Variants in CCBE1 observed in about 807,000 individuals in gnomAD.
CCBE1 encodes the protein collagen and calcium binding EGF domains 1, also known as collagen and calcium-binding EGF domain-containing protein 1.
A neutral mutation model predicts 50.0 loss-of-function variants in CCBE1; 37 were observed. The ratio of observed to expected loss-of-function variants is 0.74; its 90% confidence interval spans 0.57 to 0.97. CCBE1 has a LOEUF of 0.97. Ranked by LOEUF, CCBE1 falls within the 50% of genes least tolerant of loss-of-function variation. CCBE1 has a pLI of 0.00. For synonymous variants in CCBE1, 234 were observed against 203.7 expected (o/e 1.15, Z -1.27); for missense variants, 538 against 523.8 (o/e 1.03, Z -0.26).
intron 2 of CCBE1, among the ~76,000 whole-genome samples, chr18:59,557,970 C>T (rs1293045122): frequency 2.0e-5 from 3 of 152,160 alleles, no homozygotes; most frequent in Admixed American, 6.5e-5. Context: ...ATCATAACCA[C>T]TCCTGCATTT....
Position 59,531,416 on chromosome 18 carries a change from CAG to C in CCBE1, c.213-51180_213-51179del. On this transcript the variant is annotated intron_variant, in intron 2 of 10. Coordinates refer to ENST00000439986, the MANE Select transcript of CCBE1 (RefSeq NM_133459.4). ...GCAAGTCTCTTATTAGAAAGAATAACAGAAACAAATGTGAGAGAGGAGCCAAA... is the reference window on the plus strand; with the variant it reads ...GCAAGTCTCTTATTAGAAAGAATAACAAACAAATGTGAGAGAGGAGCCAAA... Among the ~76,000 whole-genome samples, 4 of 152,042 alleles carry C rather than the reference CAG, an allele frequency of 2.6e-5. No homozygotes were observed. The South Asian group carries it at 8.3e-4, about 32-fold the overall frequency.
intron 2 of CCBE1, among the ~76,000 whole-genome samples, chr18:59,491,297 T>G (rs1357099511): frequency 1.3e-5 from 2 of 152,202 alleles, no homozygotes; most frequent in Non-Finnish European, 2.9e-5. Context: ...AAATTTTCTC[T>G]GCAAGTCTGC....
chr18:59,547,607 G>A lies in CCBE1; in HGVS notation c.213-67369C>T, dbSNP rs192942592. Reference sequence around the variant, plus strand: ...AGCTCATTAAAAGCACTCCTGGGACGTGGATCACACACCTGATAAAGATTT... The same window carrying A: ...AGCTCATTAAAAGCACTCCTGGGACATGGATCACACACCTGATAAAGATTT... On this transcript the variant is annotated intron_variant, in intron 2 of 10. Coordinates refer to ENST00000439986, the MANE Select transcript of CCBE1 (RefSeq NM_133459.4). Among the ~76,000 whole-genome samples, 620 of 152,286 alleles carry A rather than the reference G, an allele frequency of 4.1e-3. 14 individuals are homozygous for A. The highest frequency in any genetic ancestry group is 0.036 in the Admixed American group (554 of 15,288).
intron 2 of CCBE1, among the ~76,000 whole-genome samples, chr18:59,486,540 A>G (rs1004143418): frequency 6.6e-6 from 1 of 152,240 alleles, no homozygotes; most frequent in African/African-American, 2.4e-5. Flanking sequence ...AGGCTTCTCT[A>G]ACCCTGAAAC....
intron 2 of CCBE1, among the ~76,000 whole-genome samples, chr18:59,580,047 A>G (rs2053059210): frequency 1.3e-5 from 2 of 152,178 alleles, no homozygotes; most frequent in Admixed American, 1.3e-4. Flanking sequence ...CAGAGAGGGA[A>G]AAGTTTGGGT....
In CCBE1 at chr18:59,479,081, T is replaced by C. The variant is rs78584026; in HGVS notation, c.265+1105A>G. On this transcript the variant is annotated intron_variant, in intron 3 of 10. Transcript: ENST00000439986. ...TGATCAAAAATGGTGCTCTATGAGA[T>C]AATGCAACAGAATTAGCTTGGCTGG... 1.5e-4 allele frequency among the ~76,000 whole-genome samples: 23 copies of C among 152,358 alleles called. No homozygotes were observed. The East Asian group carries it at 4.4e-3, about 29-fold the overall frequency.
chr18:59,526,223 T>G (rs1280922992), intron 2 of CCBE1, among the ~76,000 whole-genome samples: 2 of 152,190 alleles, frequency 1.3e-5, no homozygotes, highest in African/African-American at 4.8e-5. Context: ...TGATCTTGTT[T>G]ATTTTTTGTC....
At chr18:59,537,917 C>T (rs930187964) in intron 2 of CCBE1, among the ~76,000 whole-genome samples, 1 of 152,280 alleles carries the variant, frequency 6.6e-6, no homozygotes, top group African/African-American at 2.4e-5. Context: ...AATAACAGTG[C>T]TTATTTTCCA....
intron 2 of CCBE1, among the ~76,000 whole-genome samples, chr18:59,661,761 A>C (rs1178598800): frequency 6.6e-6 from 1 of 152,168 alleles, no homozygotes; most frequent in African/African-American, 2.4e-5. Context: ...TGAGGCCAGG[A>C]GTTCAAGACC....
intron 9 of CCBE1, among the ~76,000 whole-genome samples, chr18:59,439,051 C>T (rs1910290013): frequency 6.6e-6 from 1 of 152,110 alleles, no homozygotes; most frequent in Non-Finnish European, 1.5e-5. Context: ...CTTGGGGAGG[C>T]CGAGGTGGGC....
chr18:59,670,713 C>T (rs1459795274), intron 2 of CCBE1, among the ~76,000 whole-genome samples: 4 of 151,802 alleles, frequency 2.6e-5, no homozygotes, highest in East Asian at 1.9e-4. Context: ...TTTGGGAGGC[C>T]GAGGCGGGAG....
intron 2 of CCBE1, among the ~76,000 whole-genome samples, chr18:59,660,907 G>A (rs1396930562): frequency 6.6e-6 from 1 of 151,982 alleles, no homozygotes; most frequent in Non-Finnish European, 1.5e-5. Flanking sequence ...ACCAATACCT[G>A]GCAGACTGTG....
chr18:59,600,740 C>A (rs2053417308), intron 2 of CCBE1, among the ~76,000 whole-genome samples: 1 of 152,180 alleles, frequency 6.6e-6, no homozygotes, highest in Admixed American at 6.5e-5. Flanking sequence ...TGGTTACCAC[C>A]AACTCCTCCC....
chr18:59,632,237 G>A (rs1438216819), intron 2 of CCBE1, among the ~76,000 whole-genome samples: 1 of 152,208 alleles, frequency 6.6e-6, no homozygotes, highest in Non-Finnish European at 1.5e-5. Flanking sequence ...TGACAGTTGA[G>A]CAGGCAAGGA....
intron 2 of CCBE1, among the ~76,000 whole-genome samples, chr18:59,544,191 G>GAAAAA (rs1406289477): frequency 3.9e-5 from 6 of 152,108 alleles, no homozygotes; most frequent in Non-Finnish European, 8.8e-5. Context: ...AATTGTATCA[G>GAAAAA]CCACATAGTA....
At chr18:59,619,132 G>A (rs1433502187) in intron 2 of CCBE1, among the ~76,000 whole-genome samples, 12 of 152,168 alleles carry the variant, frequency 7.9e-5, no homozygotes, top group African/African-American at 2.9e-4. Context: ...AAGCATAAAT[G>A]ATTCAATCAT....
intron 2 of CCBE1, among the ~76,000 whole-genome samples, chr18:59,695,184 A>T (rs2054789470): frequency 6.6e-6 from 1 of 152,196 alleles, no homozygotes; most frequent in South Asian, 2.1e-4. Context: ...TCTCAGAGAC[A>T]TTTCCCATGT....
rs150717489 is a variant in CCBE1, at chr18:59,435,957, C to T, written c.1172G>A (p.Arg391Lys). 9.9e-6 allele frequency: 16 copies of T among 1,613,988 alleles called. No homozygotes were observed. The highest frequency in any genetic ancestry group is 5.3e-5 in the African/African-American group (4 of 74,892). The change falls in exon 11 of 11, where the codon AGA (arginine) becomes AAA (lysine). Residue 391 changes from arginine (R) to lysine (K), a missense_variant. Physicochemically the swap from Arg to Lys is conservative, Grantham distance 26. Coordinates refer to ENST00000439986, the MANE Select transcript of CCBE1 (RefSeq NM_133459.4). The stretch of plus-strand genomic sequence containing the variant: ...TCTCAAGTCTCTTGTCTCAGTTCTT[C>T]TTGGATGGTCATCTCCAGAGCCCAG... ...MDLGSGDDHP[R>K]RTETRDLRAP...
At chr18:59,569,574 C>CT (rs1187027219) in intron 2 of CCBE1, among the ~76,000 whole-genome samples, 2 of 151,508 alleles carry the variant, frequency 1.3e-5, no homozygotes, top group East Asian at 1.9e-4. Context: ...AGCCCAAATT[C>CT]TTTTTTACAC....
Sources: allele counts gnomAD v4.1 joint callset (sites outside exome capture counted in the v4.1 genomes callset), GRCh38; gene constraint gnomAD v4.1.1; transcripts MANE v1.5; gene names NCBI Gene and HGNC (gene_info 2026-07-23, HGNC 2026-07-21).